Variants in CCNA2 observed in about 807,000 individuals in gnomAD.
CCNA2 encodes cyclin-A2.
CCNA2 carries 3 observed loss-of-function variants against 49.4 expected under a neutral mutation model. That is an observed-to-expected ratio of 0.06 (90% CI 0.03 to 0.16). The LOEUF (loss-of-function observed/expected upper bound fraction) is 0.16, where lower values mean the gene tolerates loss of function less well. Among genes scored for constraint, CCNA2 ranks in the 10% least tolerant of loss-of-function variants. The pLI, the probability that CCNA2 is intolerant of heterozygous loss-of-function variation, is 1.00. For synonymous variants in CCNA2, 206 were observed against 197.2 expected, an observed-to-expected ratio of 1.04 and a Z score of -0.37; for missense variants, 372 against 519.7, an observed-to-expected ratio of 0.72 and a Z score of 2.76.
At chr4:121,822,782 CAA>C in intron 1 of CCNA2, 136 bp from the exon 2 acceptor site, 1 of 881,658 alleles carries the variant, frequency 1.1e-6, no homozygotes, top group Non-Finnish European at 1.7e-6. Flanking sequence ...TTTCAGTATT[CAA>C]AAGAGAAGGG....
Position 121,816,508 on chromosome 4 carries a change from T to C in CCNA2, c.*1130A>G. 6.2e-6 allele frequency: 7 copies of C among 1,129,788 alleles called. No individual in the cohort carries two copies. The highest frequency in any genetic ancestry group is 8.9e-6 in the Non-Finnish European group (7 of 783,200). 70.0% of individuals were successfully genotyped at this position (1,129,788 alleles called of 1,614,324 possible). On this transcript the variant is annotated 3_prime_UTR_variant, in exon 8 of 8. Transcript: ENST00000274026. ...ATACTCAACACTTATAGAGGTTTGCTCTCTGGTTTTACTCTCATCTTGCCA... is the reference window on the plus strand; with the variant it reads ...ATACTCAACACTTATAGAGGTTTGCCCTCTGGTTTTACTCTCATCTTGCCA...
In CCNA2 at chr4:121,818,086, T is replaced by C; in HGVS notation, c.1208A>G (p.Gln403Arg). 6.2e-7 allele frequency: 1 copy of C among 1,614,036 alleles called. No homozygotes were observed. The highest frequency in any genetic ancestry group is 8.5e-7 in the Non-Finnish European group (1 of 1,179,876). ...TTCTCTTATTGACTGTTGTGCATGCTGTGGTGCTTTGAGGTAGGTCTGGTG... is the reference window on the plus strand; with the variant it reads ...TTCTCTTATTGACTGTTGTGCATGCCGTGGTGCTTTGAGGTAGGTCTGGTG... ...DLHQTYLKAP[Q>R]HAQQSIREKY... Residue 403 changes from glutamine to arginine, a missense_variant, in exon 7 of 8, where the codon CAG becomes CGG. Gln to Arg is a conservative substitution (Grantham distance 43). Coordinates refer to ENST00000274026, the MANE Select transcript of CCNA2 (RefSeq NM_001237.5).
At chr4:121,818,603 A>G (rs1163467879) in intron 6 of CCNA2, among the ~76,000 whole-genome samples, 197 bp downstream of exon 6, 1 of 152,170 alleles carries the variant, frequency 6.6e-6, no homozygotes, top group Admixed American at 6.5e-5. Flanking sequence ...TTCAGTCCAC[A>G]TTTGATTGGA....
chr4:121,820,484 A>C lies in CCNA2; in HGVS notation c.794+58T>G, dbSNP rs1283560452. 7.8e-7 allele frequency: 1 copy of C among 1,286,882 alleles called. No homozygotes were observed. The highest frequency in any genetic ancestry group is 2.3e-5 in the East Asian group (1 of 43,110). 79.7% of individuals were successfully genotyped at this position (1,286,882 alleles called of 1,614,324 possible). ...TTAAAAGGTCACCATTAAAAAAATC[A>C]ATTTCTTCCCTAGACAAAAGGTCGT... On this transcript the variant is annotated intron_variant, in intron 4 of 7. Transcript: ENST00000274026. The surrounding 1 kb of genome is among the most constrained non-coding windows in gnomAD (Gnocchi z 4.1).
chr4:121,823,353 C>T (rs1228330140), intron 1 of CCNA2, 63 bp downstream of exon 1: 4 of 1,516,854 alleles, frequency 2.6e-6, no homozygotes, highest in Non-Finnish European at 3.6e-6. Context: ...TCTTCTCTGC[C>T]TGCTAAGCCA....
rs753686186 is a variant in CCNA2 at position 121,817,653 on chromosome 4, C to T, written c.1284G>A (p.Glu428=). The change falls in exon 8 of 8, where the codon GAG becomes GAA. Residue 428 remains glutamate, a synonymous_variant. Coordinates refer to ENST00000274026, the MANE Select transcript of CCNA2 (RefSeq NM_001237.5). ...YHGVSLLNPP[E]TLNL is the part of the protein sequence containing the mutation. The stretch of plus-strand genomic sequence containing the variant: ...TCTTTCATTGTTACAGATTTAGTGT[C>T]TCTGGTGGGTTGAGGAGAGAAACAC... 5 of 1,613,542 alleles carry T rather than the reference C, an allele frequency of 3.1e-6. No homozygotes were observed. The highest frequency in any genetic ancestry group is 1.3e-5 in the African/African-American group (1 of 74,800).
In CCNA2 at chr4:121,819,388, A is replaced by G. The variant is rs1251122104; in HGVS notation, c.986T>C (p.Val329Ala). The change falls in exon 5 of 8, where the codon GTT becomes GCT. Residue 329 changes from valine to alanine, a missense_variant. Physicochemically the swap from Val to Ala is moderately conservative, Grantham distance 64. Transcript: ENST00000274026. The part of the protein sequence containing the change: ...FLHQQPANCK[V>A]ESLAMFLGEL... ...TTAACTCACCATTGCTAAACTTTCA[A>G]CTTTGCAGTTTGCAGGCTGCTGATG... is the stretch of plus-strand genomic sequence containing the variant. The G allele has an allele frequency of 1.9e-5, 30 of 1,613,710 alleles. No homozygotes were observed. The highest frequency in any genetic ancestry group is 2.2e-5 in the East Asian group (1 of 44,852).
Position 121,818,028 on chromosome 4 carries a change from C to G in CCNA2, c.1250+16G>C, listed in dbSNP as rs3217772. 600,629 of 1,601,058 alleles carry G rather than the reference C, an allele frequency of 0.38. 117,956 individuals carry two copies. Among genetic ancestry groups the G allele is most frequent in the East Asian group, 0.49 (21,742 of 44,812 alleles). On this transcript the variant is annotated intron_variant, in intron 7 of 7. Coordinates refer to ENST00000274026, the MANE Select transcript of CCNA2 (RefSeq NM_001237.5). ...AATCTAGAAAAGTAAGCTTCAATAT[C>G]CAAGTTAATTCTTACTTTGAATTTT...
Position 121,820,733 on chromosome 4 carries a change from C to G in CCNA2, c.603G>C (p.Lys201Asn), listed in dbSNP as rs749857004. The change falls in exon 4 of 8, where the codon AAG (lysine) becomes AAC (asparagine). Residue 201 changes from lysine to asparagine, a missense_variant. This residue lies in a region of CCNA2 where 155 missense variants were observed against 288.1 expected (regional missense o/e 0.54). Transcript: ENST00000274026. This position sits in a 1 kb window ranked among gnomAD's most constrained non-coding sequence, Gnocchi z 4.1. Reference protein sequence around the residue: ...VKCKPKVGYMKKQPDITNSMR... With the variant: ...VKCKPKVGYMNKQPDITNSMR... ...TACTGTTAGTGATGTCTGGCTGTTT[C>G]TTCATGTAACCCACTTTAGGTTTAC... 6.2e-7 allele frequency: 1 copy of G among 1,613,382 alleles called. No individual in the cohort carries two copies. The highest frequency in any genetic ancestry group is 8.5e-7 in the Non-Finnish European group (1 of 1,179,408).
Position 121,821,018 on chromosome 4 carries a change from G to A in CCNA2, c.531C>T (p.Asp177=). Residue 177 remains aspartate (D), a synonymous_variant, in exon 3 of 8, where the codon GAC becomes GAT. Transcript: ENST00000274026. ...EKPVSVNEVP[D]YHEDIHTYLR... ...GGTATGTGTGAATATCCTCATGGTA[G>A]TCTGGTACTTCATTAACACTCACTG... 6.2e-7 allele frequency: 1 copy of A among 1,613,008 alleles called. No individual in the cohort carries two copies. The highest frequency in any genetic ancestry group is 8.5e-7 in the Non-Finnish European group (1 of 1,179,166).
intron 7 of CCNA2, 151 bp downstream of exon 7, chr4:121,817,893 G>A: frequency 2.0e-6 from 2 of 1,022,246 alleles, no homozygotes; most frequent in Non-Finnish European, 2.8e-6. Context: ...AGGGCAGAAA[G>A]CATGAACTAC....
Position 121,822,421 on chromosome 4 carries a change from G to A in CCNA2, c.439C>T (p.Pro147Ser), listed in dbSNP as rs1724710147. 1.2e-6 allele frequency: 2 copies of A among 1,613,958 alleles called. No individual in the cohort carries two copies. Among genetic ancestry groups the A allele is most frequent in the East Asian group, 4.5e-5 (2 of 44,884 alleles). The change falls in exon 2 of 8, where the codon CCA becomes TCA. Residue 147 changes from proline to serine, a missense_variant. Pro to Ser is a moderately conservative substitution (Grantham distance 74). This residue lies in a region of CCNA2 where 217 missense variants were observed against 231.7 expected (regional missense o/e 0.94). Transcript: ENST00000274026. ...AACTTACCAAAACTACCATCCATTGGATAATCAAGAGGGACCAATGGTTTT... is the reference window on the plus strand; with the variant it reads ...AACTTACCAAAACTACCATCCATTGAATAATCAAGAGGGACCAATGGTTTT... Reference protein sequence around the residue: ...PRKPLVPLDYPMDGSFESPHT... With the variant: ...PRKPLVPLDYSMDGSFESPHT...
intron 2 of CCNA2, 57 bp from the exon 3 acceptor site, chr4:121,821,148 C>G: frequency 6.4e-7 from 1 of 1,556,470 alleles, no homozygotes; most frequent in Non-Finnish European, 8.7e-7. Flanking sequence ...AGTTTAATAG[C>G]TAAAAATGAC....
chr4:121,823,745 C>T lies in CCNA2; in HGVS notation c.-117G>A. On this transcript the variant is annotated 5_prime_UTR_variant, in exon 1 of 8. Transcript: ENST00000274026. ...GAATAGTCGTAGCCGCCGGTCGCAG[C>T]CCAGGCCAGCCTACCAGCCCGCCCG... 1 of 1,443,222 alleles carries T rather than the reference C, an allele frequency of 6.9e-7. No homozygotes were observed. Among genetic ancestry groups the T allele is most frequent in the Non-Finnish European group, 9.1e-7 (1 of 1,101,630 alleles). The allele number at this position is 1,443,222 out of a possible 1,614,324, so 89.4% of individuals were successfully genotyped here.
chr4:121,822,621 A>T lies in CCNA2; in HGVS notation c.239T>A (p.Val80Glu). Residue 80 changes from valine (V) to glutamate (E), a missense_variant, in exon 2 of 8, where the codon GTA becomes GAA. Physicochemically the swap from Val to Glu is moderately radical, Grantham distance 121. This residue lies in a region of CCNA2 where 217 missense variants were observed against 231.7 expected (regional missense o/e 0.94). Transcript: ENST00000274026. ...AGGAACGGTGACATGCTCATCATTT[A>T]CAGGAAGATCCTTAAGGGGTGCAAC... is the stretch of plus-strand genomic sequence containing the variant. Reference protein sequence around the residue: ...RRVAPLKDLPVNDEHVTVPPW... With the variant: ...RRVAPLKDLPENDEHVTVPPW... The T allele has an allele frequency of 6.2e-7, 1 of 1,614,104 alleles. No homozygotes were observed. Among genetic ancestry groups the T allele is most frequent in the South Asian group, 1.1e-5 (1 of 91,080 alleles).
At chr4:121,823,064 G>A (rs1009351630) in intron 1 of CCNA2, among the ~76,000 whole-genome samples, 1 of 152,226 alleles carries the variant, frequency 6.6e-6, no homozygotes, top group Non-Finnish European at 1.5e-5. Flanking sequence ...TAAGCGTGAG[G>A]AGGATAGGGG....
Position 121,821,017 on chromosome 4 carries a change from A to G in CCNA2, c.532T>C (p.Tyr178His). 6.2e-7 allele frequency: 1 copy of G among 1,613,012 alleles called. No individual in the cohort carries two copies. The highest frequency in any genetic ancestry group is 1.1e-5 in the South Asian group (1 of 91,048). ...AGGTATGTGTGAATATCCTCATGGT[A>G]GTCTGGTACTTCATTAACACTCACT... ...KPVSVNEVPD[Y>H]HEDIHTYLRE... is the part of the protein sequence containing the mutation. Residue 178 changes from tyrosine to histidine, a missense_variant, in exon 3 of 8, where the codon TAC becomes CAC. Around this residue, in one of 2 missense-constraint regions of CCNA2, gnomAD observed 217 missense variants for 231.7 expected, o/e 0.94. Coordinates refer to ENST00000274026, the MANE Select transcript of CCNA2 (RefSeq NM_001237.5).
rs1724540295 is a variant in CCNA2, at chr4:121,816,942, A to G, written c.*696T>C. The G allele has an allele frequency of 3.2e-6, 4 of 1,247,786 alleles. No individual in the cohort carries two copies. Among genetic ancestry groups the G allele is most frequent in the Non-Finnish European group, 4.3e-6 (4 of 935,326 alleles). The allele number at this position is 1,247,786 out of a possible 1,614,324, so 77.3% of individuals were successfully genotyped here. On this transcript the variant is annotated 3_prime_UTR_variant, in exon 8 of 8. Coordinates refer to ENST00000274026, the MANE Select transcript of CCNA2 (RefSeq NM_001237.5). Reference sequence around the variant, plus strand: ...AACCCTGGGTATTTTTTATTCACAAATCCATTATAAAATCTAGCAGGATTT... The same window carrying G: ...AACCCTGGGTATTTTTTATTCACAAGTCCATTATAAAATCTAGCAGGATTT...
chr4:121,819,316 C>T, intron 5 of CCNA2, 56 bp downstream of exon 5: 1 of 1,324,718 alleles, frequency 7.5e-7, no homozygotes, highest in Admixed American at 1.7e-5. Context: ...GGAATTAGGG[C>T]TTACCCCTAA....
Sources: allele counts gnomAD v4.1 joint callset (sites outside exome capture counted in the v4.1 genomes callset), GRCh38; gene constraint gnomAD v4.1.1; regional missense constraint gnomAD v4.1.1; non-coding constraint Gnocchi (gnomAD v3.1); transcripts MANE v1.5; gene names NCBI Gene and HGNC (gene_info 2026-07-23, HGNC 2026-07-21).